The following EIF2D variants were observed in gnomAD, a reference collection of about 807,000 sequenced individuals.
The protein encoded by EIF2D is hepatocellular carcinoma-associated antigen 56.
Under a neutral mutation model 77.4 loss-of-function variants are expected in EIF2D, and 56 were observed. The ratio of observed to expected loss-of-function variants is 0.72; its 90% confidence interval spans 0.58 to 0.90. EIF2D has a LOEUF of 0.90. Among genes scored for constraint, EIF2D ranks in the 40% least tolerant of loss-of-function variants. The pLI is 0.00. For synonymous variants in EIF2D, 230 were observed against 271.0 expected (o/e 0.85, Z 1.49); for missense variants, 574 against 706.5 (o/e 0.81, Z 2.13).
rs1156719117 is a variant in EIF2D, at chr1:206,579,808, G to A, written c.*254+884C>T. Among the ~76,000 whole-genome samples the A allele has an allele frequency of 1.3e-5, 2 of 152,182 alleles. No individual in the cohort carries two copies. The highest frequency in any genetic ancestry group is 2.9e-5 in the Non-Finnish European group (2 of 68,034). ...TAAGAACCACTGGTCTGGATTATACGCCATCTCTTGGGTGGAAAAAGGATC... is the reference window on the plus strand; with the variant it reads ...TAAGAACCACTGGTCTGGATTATACACCATCTCTTGGGTGGAAAAAGGATC... On this transcript the variant is annotated intron_variant and NMD_transcript_variant, in intron 4 of 5. Transcript: ENST00000472709. The surrounding 1 kb of genome is among the most constrained non-coding windows in gnomAD (Gnocchi z 4.2).
At chr1:206,593,888 G>T in intron 13 of EIF2D, 95 bp from the exon 14 acceptor site, 1 of 1,136,164 alleles carries the variant, frequency 8.8e-7, no homozygotes, top group Non-Finnish European at 1.2e-6. Flanking sequence ...CTGAGCCCCT[G>T]TGTTCTCTGA....
chr1:206,570,239 G>A (rs1320301167), downstream of EIF2D, among the ~76,000 whole-genome samples: 3 of 151,780 alleles, frequency 2.0e-5, no homozygotes, highest in Admixed American at 2.0e-4. Context: ...CTACAGGCAT[G>A]GACCACCACG....
Position 206,597,783 on chromosome 1 carries a change from A to G in EIF2D, c.1293-588T>C, listed in dbSNP as rs527423836. ...AACATGGTGAAACCCCGTCTCTACT[A>G]AAAATACAAAAATTAGCCGGGCATG... On this transcript the variant is annotated intron_variant, in intron 11 of 14. Coordinates refer to ENST00000271764, the MANE Select transcript of EIF2D (RefSeq NM_006893.3). Among the ~76,000 whole-genome samples, 245 of 152,176 alleles carry G rather than the reference A, an allele frequency of 1.6e-3. 1 individual carries two copies. Among genetic ancestry groups the G allele is most frequent in the Non-Finnish European group, 2.4e-3 (162 of 68,000 alleles).
intron 1 of EIF2D, among the ~76,000 whole-genome samples, chr1:206,611,576 G>C (rs959710312): frequency 6.6e-6 from 1 of 152,156 alleles, no homozygotes; most frequent in Non-Finnish European, 1.5e-5. Flanking sequence ...ACTCATTCCT[G>C]GGGTATGCCT....
chr1:206,584,364 C>A lies in EIF2D; in HGVS notation c.139-3202G>T. Reference sequence around the variant, plus strand: ...ATGCAAGGCGGACGGCCCTGACCCCCTGTGACATGCCCCCGCTGGCAGAGT... The same window carrying A: ...ATGCAAGGCGGACGGCCCTGACCCCATGTGACATGCCCCCGCTGGCAGAGT... On this transcript the variant is annotated intron_variant and NMD_transcript_variant, in intron 2 of 5. Coordinates refer to the EIF2D transcript ENST00000472709. This position sits in a 1 kb window ranked among gnomAD's most constrained non-coding sequence, Gnocchi z 4.9. The A allele has an allele frequency of 6.3e-7, 1 of 1,594,762 alleles. No individual in the cohort carries two copies. The highest frequency in any genetic ancestry group is 1.1e-5 in the South Asian group (1 of 87,154).
intron 3 of EIF2D, among the ~76,000 whole-genome samples, chr1:206,608,711 C>G (rs930156008): frequency 1.3e-5 from 2 of 152,292 alleles, no homozygotes; most frequent in African/African-American, 4.8e-5. Context: ...AAGTGGGAAC[C>G]TTGACTTCCA....
chr1:206,576,091 G>A (rs1668647037), intron 4 of EIF2D, among the ~76,000 whole-genome samples: 1 of 152,200 alleles, frequency 6.6e-6, no homozygotes, highest in African/African-American at 2.4e-5. Context: ...CCAAACTAAT[G>A]TCTGCCTCCA....
At position 206,611,284 on chromosome 1, in the gene EIF2D, G is replaced by A; in HGVS notation, c.147C>T (p.Asn49=). ...SELVPGKEEL[N]IVKLYAHKGD... is the part of the protein sequence containing the mutation. ...CTTTGTGAGCATACAACTTCACAAT[G>A]TTGAGCTCCTCCTTTCCAGGTACTA... Residue 49 remains asparagine, a synonymous_variant, in exon 2 of 15, where the codon AAC becomes AAT. Transcript: ENST00000271764. 6.2e-7 allele frequency: 1 copy of A among 1,614,194 alleles called. No homozygotes were observed. Among genetic ancestry groups the A allele is most frequent in the Non-Finnish European group, 8.5e-7 (1 of 1,180,036 alleles).
At chr1:206,605,582 C>T in intron 4 of EIF2D, 75 bp from the exon 5 acceptor site, 1 of 1,285,294 alleles carries the variant, frequency 7.8e-7, no homozygotes, top group Non-Finnish European at 1.1e-6. Flanking sequence ...CATCTTCTGA[C>T]ACATGTGGTA....
chr1:206,589,922 T>G (rs938271856), downstream of EIF2D, among the ~76,000 whole-genome samples: 1 of 152,196 alleles, frequency 6.6e-6, no homozygotes. Flanking sequence ...ATGGGGCACA[T>G]CTGTAACATT....
chr1:206,611,947 G>GAT (rs1670517246), intron 1 of EIF2D, among the ~76,000 whole-genome samples: 1 of 151,988 alleles, frequency 6.6e-6, no homozygotes, highest in African/African-American at 2.4e-5. Flanking sequence ...TATCCCATCC[G>GAT]ATCTCTCCCA....
chr1:206,602,674 C>T, intron 6 of EIF2D: 1 of 635,564 alleles, frequency 1.6e-6, no homozygotes, highest in Admixed American at 3.0e-5. Flanking sequence ...TAGGAGTGTT[C>T]ACCCAGAGAA....
intron 13 of EIF2D, chr1:206,594,480 ATT>A (rs1553409678): frequency 6.6e-6 from 1 of 152,224 alleles, no homozygotes; most frequent in East Asian, 1.9e-4. Flanking sequence ...TTTAAAACAA[ATT>A]CTTTCTCATT....
chr1:206,600,055 T>C (rs1558535330), intron 8 of EIF2D, among the ~76,000 whole-genome samples: 1 of 152,120 alleles, frequency 6.6e-6, no homozygotes, highest in Non-Finnish European at 1.5e-5. Context: ...TAATCAGATA[T>C]AAAGGGGTCA....
intron 13 of EIF2D, chr1:206,594,429 T>C (rs1410760530): frequency 1.3e-5 from 2 of 152,206 alleles, no homozygotes; most frequent in African/African-American, 2.4e-5. Flanking sequence ...AAAAGAAAAA[T>C]GTTAGTGCTT....
chr1:206,603,003 G>A lies in EIF2D; in HGVS notation c.732C>T (p.Asp244=). Residue 244 remains aspartate, a synonymous_variant, in exon 6 of 15, where the codon GAC becomes GAT. Coordinates refer to ENST00000271764, the MANE Select transcript of EIF2D (RefSeq NM_006893.3). ...EDKSLSEAPE[D]TSTRGLNQDS... Reference sequence around the variant, plus strand: ...CTTGGTTCAGGCCCCTGGTGCTGGTGTCTTCTGGGGCTTCTGAGAGAGACT... The same window carrying A: ...CTTGGTTCAGGCCCCTGGTGCTGGTATCTTCTGGGGCTTCTGAGAGAGACT... 6.2e-7 allele frequency: 1 copy of A among 1,614,146 alleles called. No homozygotes were observed. Among genetic ancestry groups the A allele is most frequent in the Non-Finnish European group, 8.5e-7 (1 of 1,180,024 alleles).
At chr1:206,571,104 TG>T (rs1429093063), downstream of EIF2D, among the ~76,000 whole-genome samples, 1 of 152,192 alleles carries the variant, frequency 6.6e-6, no homozygotes, top group Non-Finnish European at 1.5e-5. Context: ...GTTATTTTCT[TG>T]TTTATTGTTT....
chr1:206,602,414 G>C lies in EIF2D; in HGVS notation c.824C>G (p.Ala275Gly). ...DELLQQCFLH[A>G]LKCRVKKADL... ...AGCCTTTTTGACTCGGCACTTCAAGGCATGTAAGAAGCATTGCTGTAACAG... is the reference window on the plus strand; with the variant it reads ...AGCCTTTTTGACTCGGCACTTCAAGCCATGTAAGAAGCATTGCTGTAACAG... Residue 275 changes from alanine (A) to glycine (G), a missense_variant, in exon 7 of 15, where the codon GCC (alanine) becomes GGC (glycine). Transcript: ENST00000271764. 6.2e-7 allele frequency: 1 copy of C among 1,614,226 alleles called. No individual in the cohort carries two copies. Among genetic ancestry groups the C allele is most frequent in the Non-Finnish European group, 8.5e-7 (1 of 1,180,028 alleles).
At chr1:206,605,652 TCA>T (rs1483501061) in intron 4 of EIF2D, 145 bp from the exon 5 acceptor site, 4 of 624,780 alleles carry the variant, frequency 6.4e-6, no homozygotes, top group East Asian at 2.8e-5. Flanking sequence ...CAGTCCACTC[TCA>T]GTTTTCTTCA....
Sources: gnomAD v4.1 joint callset for allele counts (sites outside exome capture counted in the v4.1 genomes callset) on GRCh38, gnomAD v4.1.1 for gene constraint, Gnocchi (gnomAD v3.1) non-coding constraint, MANE v1.5 for transcripts, NCBI Gene and HGNC (gene_info 2026-07-23, HGNC 2026-07-21) for gene names.